Variants in THSD4 observed in about 807,000 individuals in gnomAD.
THSD4 encodes thrombospondin type 1 domain containing 4.
Under a neutral mutation model 119.0 loss-of-function variants are expected in THSD4, and 69 were observed. The ratio of observed to expected loss-of-function variants is 0.58; its 90% confidence interval spans 0.48 to 0.71. The LOEUF is 0.71. THSD4 is among the 30% of genes least tolerant of loss of function. The pLI is 0.00. For missense variants in THSD4, 1,393 were observed against 1,391.1 expected, an observed-to-expected ratio of 1.00 and a Z score of -0.02; for synonymous variants, 524 against 540.4, an observed-to-expected ratio of 0.97 and a Z score of 0.42.
At chr15:71,444,484 G>A (rs375870470) in intron 7 of THSD4, among the ~76,000 whole-genome samples, 6 of 152,198 alleles carry the variant, frequency 3.9e-5, no homozygotes, top group Non-Finnish European at 7.3e-5. Flanking sequence ...TCCATGTGTC[G>A]TCTGTAGCCC....
At chr15:71,733,500 T>C (rs917282455) in intron 10 of THSD4, 3 of 152,206 alleles carry the variant, frequency 2.0e-5, no homozygotes, top group African/African-American at 7.2e-5. Flanking sequence ...AATTTTTTTG[T>C]CCAACAACAT....
chr15:71,602,640 G>C (rs1387487685), intron 7 of THSD4, among the ~76,000 whole-genome samples: 3 of 150,324 alleles, frequency 2.0e-5, no homozygotes. Context: ...GTTACGTTCA[G>C]TTTAGAGACC....
chr15:71,429,920 A>T (rs1001660833), intron 7 of THSD4, among the ~76,000 whole-genome samples: 4 of 152,216 alleles, frequency 2.6e-5, no homozygotes, highest in Non-Finnish European at 5.9e-5. Flanking sequence ...CAGATCTTTA[A>T]TAAGAGATAT....
chr15:71,446,105 G>A (rs1022312308), intron 7 of THSD4, among the ~76,000 whole-genome samples: 9 of 152,084 alleles, frequency 5.9e-5, no homozygotes, highest in Non-Finnish European at 1.2e-4. Context: ...AATCACCCAG[G>A]CCAGAAATAT....
At chr15:71,153,341 G>A (rs766937397) in intron 2 of THSD4, among the ~76,000 whole-genome samples, 31 of 152,294 alleles carry the variant, frequency 2.0e-4, no homozygotes, top group Middle Eastern at 3.4e-3. Flanking sequence ...GGGATGGCGC[G>A]CACCCGCTTT....
chr15:71,281,131 T>C (rs1348637111), intron 6 of THSD4, among the ~76,000 whole-genome samples: 2 of 152,252 alleles, frequency 1.3e-5, no homozygotes, highest in Non-Finnish European at 2.9e-5. Flanking sequence ...TTTGTGATTC[T>C]TTGTGGGTTC....
At chr15:71,191,777 C>T (rs965055454) in intron 3 of THSD4, among the ~76,000 whole-genome samples, 1 of 152,098 alleles carries the variant, frequency 6.6e-6, no homozygotes, top group Non-Finnish European at 1.5e-5. Flanking sequence ...CCACATGAAC[C>T]GGTTTACTCC....
chr15:71,116,140 C>T, intron 1 of THSD4, among the ~76,000 whole-genome samples: 1 of 152,152 alleles, frequency 6.6e-6, no homozygotes, highest in Non-Finnish European at 1.5e-5. Flanking sequence ...GCCCGAGAGC[C>T]GGGCAAGTCT....
intron 7 of THSD4, among the ~76,000 whole-genome samples, chr15:71,412,763 G>C (rs983986196): frequency 5.3e-5 from 8 of 152,156 alleles, no homozygotes; most frequent in African/African-American, 1.7e-4. Flanking sequence ...TTTGAATGAG[G>C]AGGTTTCAGA....
At chr15:71,423,014 A>G (rs1421618587) in intron 7 of THSD4, among the ~76,000 whole-genome samples, 1 of 151,950 alleles carries the variant, frequency 6.6e-6, no homozygotes, top group African/African-American at 2.4e-5. Context: ...GCTGATGTTC[A>G]CTCGAGGACC....
chr15:71,407,927 G>A (rs1370469006), intron 6 of THSD4, among the ~76,000 whole-genome samples: 2 of 152,146 alleles, frequency 1.3e-5, no homozygotes, highest in Non-Finnish European at 2.9e-5. Context: ...ACCACAGTAG[G>A]AACCACTGCT....
chr15:71,687,527 G>A (rs751910936), intron 8 of THSD4, among the ~76,000 whole-genome samples: 8 of 152,122 alleles, frequency 5.3e-5, no homozygotes, highest in Admixed American at 3.3e-4. Context: ...GGGCCAAGGC[G>A]AGTGGATCAC....
At chr15:71,727,835 G>A (rs902786043) in intron 8 of THSD4, among the ~76,000 whole-genome samples, 15 of 149,366 alleles carry the variant, frequency 1.0e-4, no homozygotes, top group Non-Finnish European at 1.5e-4. Context: ...ATGCAAGTAT[G>A]ATAAATGATA....
chr15:71,565,810 C>T (rs992688570), intron 7 of THSD4, among the ~76,000 whole-genome samples: 1 of 152,116 alleles, frequency 6.6e-6, no homozygotes, highest in Admixed American at 6.6e-5. Flanking sequence ...GGGGAAGCAT[C>T]GTCTAATTTA....
At chr15:71,670,269 C>G (rs896841573) in intron 8 of THSD4, among the ~76,000 whole-genome samples, 3 of 151,762 alleles carry the variant, frequency 2.0e-5, no homozygotes, top group Non-Finnish European at 2.9e-5. Context: ...TGTGATGTTC[C>G]CTGCCCTGTG....
chr15:71,098,603 A>G (rs1208476379), intron 1 of THSD4, among the ~76,000 whole-genome samples: 1 of 152,010 alleles, frequency 6.6e-6, no homozygotes, highest in South Asian at 2.1e-4. Context: ...CTAGATCATC[A>G]TTGGGTATAG....
chr15:71,344,702 C>G (rs1390482207), intron 6 of THSD4, among the ~76,000 whole-genome samples: 1 of 152,150 alleles, frequency 6.6e-6, no homozygotes, highest in Non-Finnish European at 1.5e-5. Flanking sequence ...GGCATTCTTT[C>G]ATAATCAGAA....
chr15:71,453,749 T>C (rs2047298652), intron 7 of THSD4, among the ~76,000 whole-genome samples: 1 of 152,244 alleles, frequency 6.6e-6, no homozygotes, highest in Non-Finnish European at 1.5e-5. Flanking sequence ...GATGAGAATT[T>C]AATGAATAGG....
chr15:71,291,027 T>C (rs1481479270), intron 6 of THSD4, among the ~76,000 whole-genome samples: 1 of 152,066 alleles, frequency 6.6e-6, no homozygotes, highest in Non-Finnish European at 1.5e-5. Context: ...TTACCTTAAT[T>C]TTTCTAGACA....
Sources: allele counts gnomAD v4.1 joint callset (sites outside exome capture counted in the v4.1 genomes callset), GRCh38; gene constraint gnomAD v4.1.1; transcripts MANE v1.5; gene names NCBI Gene and HGNC (gene_info 2026-07-23, HGNC 2026-07-21).